The following NELL1 variants were observed in gnomAD, a reference collection of about 807,000 sequenced individuals.
NELL1 encodes protein kinase C-binding protein NELL1.
Under a neutral mutation model 107.4 loss-of-function variants are expected in NELL1, and 76 were observed. The observed-to-expected ratio is 0.71, with a 90% confidence interval of 0.59 to 0.86. NELL1 has a LOEUF of 0.86. Ranked by LOEUF, NELL1 falls within the 40% of genes least tolerant of loss-of-function variation. The probability of loss-of-function intolerance (pLI) is 0.00; values close to 1 mark genes in which losing one functional copy is unlikely to be tolerated. For synonymous variants in NELL1, 353 were observed against 341.2 expected (o/e 1.03, Z -0.38); for missense variants, 1,024 against 1,005.5 (o/e 1.02, Z -0.25).
intron 14 of NELL1, among the ~76,000 whole-genome samples, chr11:21,282,888 T>G (rs1459484400): frequency 1.3e-5 from 2 of 152,208 alleles, no homozygotes; most frequent in Non-Finnish European, 2.9e-5. Flanking sequence ...TGAATAGAAC[T>G]GGAGGTCATT....
chr11:20,716,306 A>G (rs1855248740), intron 2 of NELL1, among the ~76,000 whole-genome samples: 1 of 152,258 alleles, frequency 6.6e-6, no homozygotes, highest in African/African-American at 2.4e-5. Context: ...TCAAATGGCT[A>G]TATAGCTTGA....
At chr11:20,933,384 C>T (rs1326337061) in intron 9 of NELL1, among the ~76,000 whole-genome samples, 4 of 152,120 alleles carry the variant, frequency 2.6e-5, no homozygotes, top group East Asian at 3.9e-4. Context: ...GGGAGACTCA[C>T]GGTGTGATTA....
chr11:20,996,974 A>G (rs1024059735), intron 12 of NELL1, among the ~76,000 whole-genome samples: 7 of 151,964 alleles, frequency 4.6e-5, no homozygotes, highest in Non-Finnish European at 7.4e-5. Context: ...CCTACATCAT[A>G]TTTCTTCTTT....
chr11:21,420,739 A>G (rs975608045), intron 15 of NELL1, among the ~76,000 whole-genome samples: 12 of 152,158 alleles, frequency 7.9e-5, no homozygotes, highest in Non-Finnish European at 1.6e-4. Flanking sequence ...GGGTCCAGAT[A>G]TGGAAGCACC....
chr11:21,431,650 G>C (rs1852967861), intron 15 of NELL1, among the ~76,000 whole-genome samples: 1 of 152,290 alleles, frequency 6.6e-6, no homozygotes, highest in South Asian at 2.1e-4. Context: ...CTACCATTCA[G>C]ATCTGCTGCA....
chr11:20,751,817 G>C (rs1230275094), intron 2 of NELL1, among the ~76,000 whole-genome samples: 4 of 152,032 alleles, frequency 2.6e-5, no homozygotes, highest in African/African-American at 9.7e-5. Flanking sequence ...TTTAATATTA[G>C]ATTTTTAATG....
At chr11:21,294,560 T>C (rs1849336460) in intron 14 of NELL1, among the ~76,000 whole-genome samples, 1 of 152,100 alleles carries the variant, frequency 6.6e-6, no homozygotes, top group South Asian at 2.1e-4. Flanking sequence ...ATTGAGTTTA[T>C]GATGTCATAT....
intron 15 of NELL1, among the ~76,000 whole-genome samples, chr11:21,383,109 C>G (rs548375717): frequency 1.3e-5 from 2 of 152,044 alleles, no homozygotes; most frequent in African/African-American, 4.8e-5. Context: ...GAATGTAACT[C>G]TTATGATTTG....
At chr11:21,141,737 T>TTTTATTTATTTATTTA (rs201651937) in intron 13 of NELL1, among the ~76,000 whole-genome samples, 44 of 147,650 alleles carry the variant, frequency 3.0e-4, no homozygotes, top group African/African-American at 7.8e-4. Context: ...CCTCTATCCT[T>TTTTATTTATTTATTTA]TTTATTTATT....
At chr11:21,104,611 A>C (rs1854902536) in intron 12 of NELL1, among the ~76,000 whole-genome samples, 1 of 152,234 alleles carries the variant, frequency 6.6e-6, no homozygotes, top group Non-Finnish European at 1.5e-5. Context: ...CATACATGGG[A>C]TGACCAAAAT....
intron 3 of NELL1, among the ~76,000 whole-genome samples, chr11:20,844,657 C>CTT (rs1256860174): frequency 6.6e-6 from 1 of 152,168 alleles, no homozygotes; most frequent in African/African-American, 2.4e-5. Context: ...TAGCGTCAGA[C>CTT]TTCTGCTCCC....
intron 14 of NELL1, among the ~76,000 whole-genome samples, chr11:21,271,644 T>C (rs967519022): frequency 2.6e-5 from 4 of 152,162 alleles, no homozygotes; most frequent in African/African-American, 7.2e-5. Context: ...ATTACTCTAA[T>C]ACTAAAACCA....
At chr11:21,144,197 A>G (rs1855925734) in intron 13 of NELL1, among the ~76,000 whole-genome samples, 1 of 152,130 alleles carries the variant, frequency 6.6e-6, no homozygotes, top group Admixed American at 6.6e-5. Context: ...GTGCATTGCA[A>G]TGTTATTGTC....
At position 21,300,200 on chromosome 11, in the gene NELL1, T is replaced by C. The variant is rs145915094; in HGVS notation, c.1550-70653T>C. ...CTTCTCTAAGATAGCATCTGAGGTG[T>C]TCTCTGAATGATGCCAGGGAGACAT... On this transcript the variant is annotated intron_variant, in intron 14 of 19. Coordinates refer to ENST00000357134, the MANE Select transcript of NELL1 (RefSeq NM_006157.5). Among the ~76,000 whole-genome samples the C allele has an allele frequency of 1.0e-3, 153 of 152,138 alleles. 2 individuals carry two copies. Among genetic ancestry groups the C allele is most frequent in the African/African-American group, 3.5e-3 (147 of 41,514 alleles).
At chr11:20,743,740 T>C (rs1198919225) in intron 2 of NELL1, among the ~76,000 whole-genome samples, 1 of 152,196 alleles carries the variant, frequency 6.6e-6, no homozygotes, top group Non-Finnish European at 1.5e-5. Flanking sequence ...TCAGGTGCTC[T>C]CTGGTCACAT....
At chr11:21,312,297 AC>A (rs1353754150) in intron 14 of NELL1, among the ~76,000 whole-genome samples, 2 of 151,592 alleles carry the variant, frequency 1.3e-5, no homozygotes. Flanking sequence ...CTTAGCAACT[AC>A]CCGGAAGAGC....
chr11:21,480,517 G>A (rs776816137), intron 15 of NELL1, among the ~76,000 whole-genome samples: 7 of 152,086 alleles, frequency 4.6e-5, no homozygotes, highest in South Asian at 2.1e-4. Context: ...TGTCGGCCAC[G>A]GATATGCTAA....
intron 13 of NELL1, among the ~76,000 whole-genome samples, chr11:21,159,158 G>T (rs961093131): frequency 2.0e-5 from 3 of 152,084 alleles, no homozygotes; most frequent in Non-Finnish European, 2.9e-5. Context: ...CTCTAGAACT[G>T]AACTCCAGCC....
intron 3 of NELL1, among the ~76,000 whole-genome samples, chr11:20,789,328 G>A (rs1363716040): frequency 6.6e-6 from 1 of 152,230 alleles, no homozygotes; most frequent in African/African-American, 2.4e-5. Context: ...CTGCCACGGG[G>A]TGGGCAGCTC....
Sources: allele counts gnomAD v4.1 joint callset (sites outside exome capture counted in the v4.1 genomes callset), GRCh38; gene constraint gnomAD v4.1.1; transcripts MANE v1.5; gene names NCBI Gene and HGNC (gene_info 2026-07-23, HGNC 2026-07-21).